Variants in GRM7 observed in about 807,000 individuals in gnomAD.
GRM7 encodes metabotropic glutamate receptor 7.
A neutral mutation model predicts 84.5 loss-of-function variants in GRM7; 35 were observed. The ratio of observed to expected loss-of-function variants is 0.41; its 90% CI spans 0.32 to 0.55. GRM7 has a LOEUF of 0.55. GRM7 is among the 20% of genes least tolerant of loss of function. GRM7 has a pLI of 0.19. For missense variants in GRM7, 1,003 were observed against 1,194.6 expected, an observed-to-expected ratio of 0.84 and a Z score of 2.36; for synonymous variants, 487 against 455.1, an observed-to-expected ratio of 1.07 and a Z score of -0.89.
At chr3:6,971,913 A>T (rs895677536) in intron 1 of GRM7, among the ~76,000 whole-genome samples, 3 of 152,222 alleles carry the variant, frequency 2.0e-5, no homozygotes, top group Non-Finnish European at 1.5e-5. Flanking sequence ...GACTTTTAAA[A>T]GGTAATATTT....
intron 2 of GRM7, among the ~76,000 whole-genome samples, chr3:7,225,290 A>G (rs1054241601): frequency 2.0e-5 from 3 of 151,056 alleles, no homozygotes; most frequent in South Asian, 2.1e-4. Context: ...ATATGTGACT[A>G]TATCATTTTC....
chr3:7,308,454 G>A (rs1261256148), intron 4 of GRM7, among the ~76,000 whole-genome samples: 1 of 152,152 alleles, frequency 6.6e-6, no homozygotes. Flanking sequence ...TTTGCTGAAA[G>A]TTGTAGGTGC....
chr3:7,685,127 T>G (rs1241833265), intron 9 of GRM7, among the ~76,000 whole-genome samples: 2 of 152,162 alleles, frequency 1.3e-5, no homozygotes, highest in Non-Finnish European at 1.5e-5. Context: ...GGCTATGGCT[T>G]ATTGATGGCC....
chr3:7,648,842 C>G (rs2125111993), intron 8 of GRM7, among the ~76,000 whole-genome samples: 1 of 152,236 alleles, frequency 6.6e-6, no homozygotes, highest in Non-Finnish European at 1.5e-5. Flanking sequence ...TGGCGAAAGT[C>G]AGACGTTGTG....
At chr3:7,139,439 G>T in intron 1 of GRM7, among the ~76,000 whole-genome samples, 1 of 151,794 alleles carries the variant, frequency 6.6e-6, no homozygotes. Flanking sequence ...AAGCAAAAAG[G>T]TCTGTAGCAT....
At chr3:7,353,151 C>CT (rs1010104151) in intron 4 of GRM7, among the ~76,000 whole-genome samples, 2 of 152,030 alleles carry the variant, frequency 1.3e-5, no homozygotes, top group Non-Finnish European at 2.9e-5. Context: ...CTCCACCAGC[C>CT]TTTTTTGCTT....
chr3:7,111,128 G>T (rs1403787166), intron 1 of GRM7, among the ~76,000 whole-genome samples: 2 of 152,156 alleles, frequency 1.3e-5, no homozygotes, highest in Non-Finnish European at 2.9e-5. Flanking sequence ...AGCAGGAAGT[G>T]ATGAGAGATA....
chr3:6,862,340 C>G lies in GRM7; in HGVS notation c.519+433C>G, dbSNP rs1694783141. On this transcript the variant is annotated intron_variant, in intron 1 of 9. Coordinates refer to ENST00000357716, the MANE Select transcript of GRM7 (RefSeq NM_000844.4). This position sits in a 1 kb window ranked among gnomAD's most constrained non-coding sequence, Gnocchi z 5.2. ...TCCCAACTCCCCAGCTTCCCACCCC[C>G]AAGCCAGCCTGCCAACCTGCACTCC... Among the ~76,000 whole-genome samples the G allele has an allele frequency of 6.6e-6, 1 of 152,080 alleles. No individual in the cohort carries two copies. The highest frequency in any genetic ancestry group is 2.4e-5 in the African/African-American group (1 of 41,430).
chr3:7,254,811 T>C (rs1698135637), intron 2 of GRM7, among the ~76,000 whole-genome samples: 1 of 152,206 alleles, frequency 6.6e-6, no homozygotes, highest in Admixed American at 6.5e-5. Flanking sequence ...ATAAGTGCTT[T>C]CCTAATAGGG....
At chr3:7,031,731 T>A (rs1456840791) in intron 1 of GRM7, among the ~76,000 whole-genome samples, 3 of 152,198 alleles carry the variant, frequency 2.0e-5, no homozygotes, top group Non-Finnish European at 2.9e-5. Context: ...GTTAATAACA[T>A]ATTCATAGAT....
intron 4 of GRM7, among the ~76,000 whole-genome samples, chr3:7,338,744 A>G (rs1391542054): frequency 6.6e-6 from 1 of 152,114 alleles, no homozygotes; most frequent in Non-Finnish European, 1.5e-5. Flanking sequence ...TCATGATTGT[A>G]GAAATAAAGG....
At chr3:7,618,104 C>G (rs1240512866) in intron 8 of GRM7, among the ~76,000 whole-genome samples, 1 of 152,086 alleles carries the variant, frequency 6.6e-6, no homozygotes, top group Non-Finnish European at 1.5e-5. Context: ...GGCAGGCAAA[C>G]AAGTGCGTAA....
intron 7 of GRM7, among the ~76,000 whole-genome samples, chr3:7,509,267 A>G (rs1700125647): frequency 6.6e-6 from 1 of 152,168 alleles, no homozygotes; most frequent in Non-Finnish European, 1.5e-5. Flanking sequence ...TTGTTACAGT[A>G]TTTTGTCATA....
intron 7 of GRM7, among the ~76,000 whole-genome samples, chr3:7,531,780 T>G (rs1219249618): frequency 6.6e-6 from 1 of 152,158 alleles, no homozygotes; most frequent in African/African-American, 2.4e-5. Context: ...CTCTTCCTAT[T>G]TGAATACCCT....
intron 2 of GRM7, among the ~76,000 whole-genome samples, chr3:7,256,753 A>C (rs928339559): frequency 7.9e-5 from 12 of 152,196 alleles, no homozygotes; most frequent in African/African-American, 2.7e-4. Context: ...AAGATGAATA[A>C]GTATGGTGTA....
intron 1 of GRM7, among the ~76,000 whole-genome samples, chr3:7,101,547 A>G (rs1699108154): frequency 6.6e-6 from 1 of 151,560 alleles, no homozygotes; most frequent in African/African-American, 2.4e-5. Context: ...AACATCTAGT[A>G]GATTTACATG....
intron 9 of GRM7, among the ~76,000 whole-genome samples, chr3:7,714,181 G>T (rs1701694614): frequency 6.6e-6 from 1 of 152,148 alleles, no homozygotes; most frequent in Admixed American, 6.5e-5. Flanking sequence ...GAATTAACCT[G>T]AAGGCTTTAT....
intron 4 of GRM7, among the ~76,000 whole-genome samples, chr3:7,392,433 T>A (rs1695038130): frequency 6.6e-6 from 1 of 152,182 alleles, no homozygotes; most frequent in Non-Finnish European, 1.5e-5. Flanking sequence ...AGCCCTTCAA[T>A]GTCTGATCTA....
intron 7 of GRM7, among the ~76,000 whole-genome samples, chr3:7,565,344 T>C (rs1435679058): frequency 1.3e-5 from 2 of 152,330 alleles, no homozygotes; most frequent in East Asian, 3.9e-4. Flanking sequence ...TGTGCTCTCA[T>C]GAAGCATACA....
Sources: gnomAD v4.1 joint callset for allele counts (sites outside exome capture counted in the v4.1 genomes callset) on GRCh38, gnomAD v4.1.1 for gene constraint, Gnocchi (gnomAD v3.1) non-coding constraint, MANE v1.5 for transcripts, NCBI Gene and HGNC (gene_info 2026-07-23, HGNC 2026-07-21) for gene names.